PCDH9: variants seen among roughly 807,000 people sequenced by gnomAD.
The protein encoded by PCDH9 is protocadherin-9.
PCDH9 carries 24 observed loss-of-function variants against 70.6 expected under a neutral mutation model. That is an observed-to-expected ratio of 0.34 (90% CI 0.25 to 0.48). The LOEUF is 0.48. Ranked by LOEUF, PCDH9 falls within the 20% of genes least tolerant of loss-of-function variation. PCDH9 has a pLI of 0.99. For synonymous variants in PCDH9, 562 were observed against 558.5 expected, an observed-to-expected ratio of 1.01 and a Z score of -0.09; for missense variants, 1,281 against 1,503.6, an observed-to-expected ratio of 0.85 and a Z score of 2.45.
chr13:67,043,849 G>A (rs1040667507), intron 2 of PCDH9, among the ~76,000 whole-genome samples: 1 of 152,050 alleles, frequency 6.6e-6, no homozygotes, highest in Non-Finnish European at 1.5e-5. Flanking sequence ...TTTATGCCCT[G>A]TAGGAGAGTA....
chr13:66,346,330 C>T (rs1376652927), intron 4 of PCDH9, among the ~76,000 whole-genome samples: 1 of 152,224 alleles, frequency 6.6e-6, no homozygotes, highest in Non-Finnish European at 1.5e-5. Context: ...CACACAACCA[C>T]GGAAACGTTG....
At chr13:67,146,064 C>G (rs1321695168) in intron 2 of PCDH9, among the ~76,000 whole-genome samples, 1 of 152,056 alleles carries the variant, frequency 6.6e-6, no homozygotes, top group Non-Finnish European at 1.5e-5. Context: ...TAATAGGACT[C>G]TTTTTGCTGA....
intron 3 of PCDH9, among the ~76,000 whole-genome samples, chr13:66,897,957 G>A (rs1167690792): frequency 6.6e-6 from 1 of 151,986 alleles, no homozygotes; most frequent in Non-Finnish European, 1.5e-5. Flanking sequence ...TCCCAGTTGG[G>A]CATGTCAGGA....
intron 4 of PCDH9, among the ~76,000 whole-genome samples, chr13:66,311,556 A>G (rs888624146): frequency 9.9e-5 from 15 of 152,038 alleles, no homozygotes; most frequent in African/African-American, 3.4e-4. Context: ...TCTATGTTCT[A>G]TATTTATTGA....
At chr13:67,032,472 T>C (rs372167161) in intron 2 of PCDH9, among the ~76,000 whole-genome samples, 1 of 152,220 alleles carries the variant, frequency 6.6e-6, no homozygotes, top group African/African-American at 2.4e-5. Context: ...TCAACATCAC[T>C]CTTCGTAAGA....
intron 2 of PCDH9, among the ~76,000 whole-genome samples, chr13:67,053,852 T>C (rs2085369069): frequency 6.6e-6 from 1 of 152,222 alleles, no homozygotes; most frequent in Admixed American, 6.5e-5. Context: ...ATTTACTATA[T>C]ACCAGATATT....
chr13:66,575,201 A>ATTG (rs889721476), intron 4 of PCDH9, among the ~76,000 whole-genome samples: 12 of 151,796 alleles, frequency 7.9e-5, no homozygotes, highest in South Asian at 2.1e-4. Context: ...ATATATATTT[A>ATTG]TTGTTGTTGT....
intron 2 of PCDH9, among the ~76,000 whole-genome samples, chr13:67,154,080 G>A (rs938682872): frequency 6.6e-6 from 1 of 152,062 alleles, no homozygotes; most frequent in Non-Finnish European, 1.5e-5. Flanking sequence ...AATTTAAAAT[G>A]GCAAAAACTC....
intron 2 of PCDH9, among the ~76,000 whole-genome samples, chr13:67,045,405 CTCT>C (rs2085203906): frequency 1.3e-5 from 2 of 152,066 alleles, no homozygotes; most frequent in Non-Finnish European, 2.9e-5. Context: ...CTTTGAATAC[CTCT>C]TTCCATCTCC....
At chr13:66,687,745 C>T (rs931774403) in intron 3 of PCDH9, among the ~76,000 whole-genome samples, 4 of 152,116 alleles carry the variant, frequency 2.6e-5, no homozygotes, top group Admixed American at 6.5e-5. Context: ...TCCATATCTA[C>T]TGACACCACC....
At chr13:66,591,132 G>A (rs942818813) in intron 4 of PCDH9, among the ~76,000 whole-genome samples, 3 of 151,468 alleles carry the variant, frequency 2.0e-5, no homozygotes, top group Non-Finnish European at 3.0e-5. Flanking sequence ...CAGTTAAAAC[G>A]TTCTATGGGA....
chr13:66,710,371 T>C (rs2078776072), intron 3 of PCDH9, among the ~76,000 whole-genome samples: 1 of 152,158 alleles, frequency 6.6e-6, no homozygotes, highest in Admixed American at 6.5e-5. Flanking sequence ...ACCTAACCTT[T>C]AAACTTTTAA....
chr13:66,465,497 A>C (rs1434438804), intron 4 of PCDH9, among the ~76,000 whole-genome samples: 3 of 151,870 alleles, frequency 2.0e-5, no homozygotes, highest in African/African-American at 7.2e-5. Flanking sequence ...AATTAGTATG[A>C]TTTATATACT....
At position 66,771,528 on chromosome 13, in the gene PCDH9, G is replaced by A. The variant is rs567496796; in HGVS notation, c.3138+131976C>T. On this transcript the variant is annotated intron_variant, in intron 3 of 4. Coordinates refer to ENST00000377865, the MANE Select transcript of PCDH9 (RefSeq NM_203487.3). ...ATAGTAGTAATTCAATTACAATCAT[G>A]ATAAGTGCTAGGAGGACAAGTTTCC... is the stretch of plus-strand genomic sequence containing the variant. Among the ~76,000 whole-genome samples the A allele has an allele frequency of 2.5e-4, 38 of 152,282 alleles. 1 individual carries two copies. Among genetic ancestry groups the A allele is most frequent in the Admixed American group, 1.4e-3 (22 of 15,302 alleles).
At chr13:66,899,769 C>T (rs1229711795) in intron 3 of PCDH9, among the ~76,000 whole-genome samples, 4 of 151,820 alleles carry the variant, frequency 2.6e-5, no homozygotes, top group South Asian at 2.1e-4. Flanking sequence ...TTTTTTATTC[C>T]GGTGCTTCGA....
chr13:66,389,101 T>A (rs947099244), intron 4 of PCDH9, among the ~76,000 whole-genome samples: 1 of 152,170 alleles, frequency 6.6e-6, no homozygotes, highest in Non-Finnish European at 1.5e-5. Context: ...TAACCAAGAA[T>A]CATGCACAAA....
chr13:67,101,406 T>C (rs536618549), intron 2 of PCDH9, among the ~76,000 whole-genome samples: 1 of 152,202 alleles, frequency 6.6e-6, no homozygotes, highest in Non-Finnish European at 1.5e-5. Flanking sequence ...TCCAATGTAA[T>C]AGGGTGATTA....
chr13:66,671,951 TCACCAAAA>T (rs2078181127), intron 3 of PCDH9, among the ~76,000 whole-genome samples: 1 of 152,184 alleles, frequency 6.6e-6, no homozygotes, highest in Admixed American at 6.5e-5. Context: ...CAAATGTTAA[TCACCAAAA>T]CAATGGGAAA....
At chr13:66,474,596 A>G (rs1958684871) in intron 4 of PCDH9, among the ~76,000 whole-genome samples, 1 of 152,148 alleles carries the variant, frequency 6.6e-6, no homozygotes, top group Non-Finnish European at 1.5e-5. Context: ...ACAAACATTA[A>G]TAATGGTTTA....
Sources: allele counts gnomAD v4.1 joint callset (sites outside exome capture counted in the v4.1 genomes callset), GRCh38; gene constraint gnomAD v4.1.1; transcripts MANE v1.5; gene names NCBI Gene and HGNC (gene_info 2026-07-23, HGNC 2026-07-21).